SUDS3: variants seen among roughly 807,000 people sequenced by gnomAD.
The protein encoded by SUDS3 is sin3 histone deacetylase corepressor complex component SDS3.
Under a neutral mutation model 53.5 loss-of-function variants are expected in SUDS3, and 23 were observed. That is an observed-to-expected ratio of 0.43 (90% CI 0.31 to 0.61). The LOEUF is 0.61. Among genes scored for constraint, SUDS3 ranks in the 20% least tolerant of loss-of-function variants. The pLI is 0.10. For missense variants in SUDS3, 291 were observed against 405.9 expected (o/e 0.72, Z 2.43); for synonymous variants, 150 against 148.5 (o/e 1.01, Z -0.08).
At chr12:118,411,269 T>C in intron 11 of SUDS3, 112 bp downstream of exon 11, 1 of 898,916 alleles carries the variant, frequency 1.1e-6, no homozygotes, top group South Asian at 1.5e-5. Context: ...AGTACTGTCT[T>C]CTATGTGGGT....
intron 3 of SUDS3, among the ~76,000 whole-genome samples, chr12:118,384,839 A>G (rs1351431098): frequency 6.6e-6 from 1 of 151,994 alleles, no homozygotes; most frequent in Non-Finnish European, 1.5e-5. Flanking sequence ...CTCAAAAAAA[A>G]AAAAAAGAGT....
chr12:118,380,563 T>C (rs2046047716), intron 2 of SUDS3, among the ~76,000 whole-genome samples: 1 of 152,258 alleles, frequency 6.6e-6, no homozygotes, highest in African/African-American at 2.4e-5. Flanking sequence ...CATGTATGTT[T>C]ACAATTTCTC....
rs186475075 is a variant in SUDS3, at chr12:118,396,993, G to A, written c.518-3666G>A. Among the ~76,000 whole-genome samples, 452 of 152,256 alleles carry A rather than the reference G, an allele frequency of 3.0e-3. 1 individual carries two copies. The highest frequency in any genetic ancestry group is 4.9e-3 in the Non-Finnish European group (331 of 68,026). On this transcript the variant is annotated intron_variant, in intron 6 of 11. Coordinates refer to ENST00000543473, the MANE Select transcript of SUDS3 (RefSeq NM_022491.3). ...TCATATTGCAGGGTGGTTTGGAGAGGAGTTATATGCCTAGTCTTGTTGCTT... is the reference window on the plus strand; with the variant it reads ...TCATATTGCAGGGTGGTTTGGAGAGAAGTTATATGCCTAGTCTTGTTGCTT...
chr12:118,382,361 A>G (rs1044620573), intron 2 of SUDS3, among the ~76,000 whole-genome samples: 1 of 78,844 alleles, frequency 1.3e-5, no homozygotes, highest in Admixed American at 1.2e-4. Flanking sequence ...TTTTTTTGAG[A>G]CAGTAGCCAC....
chr12:118,415,379 A>G lies in SUDS3; in HGVS notation c.*946A>G, dbSNP rs375879476. On this transcript the variant is annotated 3_prime_UTR_variant, in exon 12 of 12. Transcript: ENST00000543473. ...AAGTTTCACTCTTGTGGCTGATGCC[A>G]TTATTGCACATTGGCCATTCCAAAC... 9 of 152,230 alleles carry G rather than the reference A, an allele frequency of 5.9e-5. No individual in the cohort carries two copies. In the South Asian group the frequency reaches 1.9e-3, roughly 32 times the overall value. 9.4% of individuals were successfully genotyped at this position (152,230 alleles called of 1,614,324 possible). A position where few individuals can be genotyped will look rare whatever the true frequency, so the allele number is the denominator to read the frequency against.
chr12:118,390,881 T>C (rs1200823262), intron 5 of SUDS3: 10 of 549,320 alleles, frequency 1.8e-5, no homozygotes, highest in Non-Finnish European at 3.4e-5. Context: ...TAGTATAAAA[T>C]ATAGGATGTG....
intron 6 of SUDS3, among the ~76,000 whole-genome samples, chr12:118,394,238 G>T (rs767449902): frequency 6.6e-6 from 1 of 152,204 alleles, no homozygotes; most frequent in Non-Finnish European, 1.5e-5. Context: ...TAGATGTGAC[G>T]TGAGATGAGA....
intron 6 of SUDS3, among the ~76,000 whole-genome samples, chr12:118,399,814 A>G (rs2046248058): frequency 6.6e-6 from 1 of 152,120 alleles, no homozygotes; most frequent in African/African-American, 2.4e-5. Flanking sequence ...AGGAGAACTG[A>G]GTTTTTGTGG....
At chr12:118,378,310 C>T (rs953823813) in intron 1 of SUDS3, among the ~76,000 whole-genome samples, 3 of 152,046 alleles carry the variant, frequency 2.0e-5, no homozygotes, top group East Asian at 3.8e-4. Context: ...GTTGGCTCTG[C>T]GTATCTGTGG....
chr12:118,376,827 GACGAAGGTGAGTCCT>G lies in SUDS3; in HGVS notation c.137_142+9del. The G allele has an allele frequency of 6.5e-7, 1 of 1,538,594 alleles. No individual in the cohort carries two copies. ...GCGCAGCTGTCGGGGCCGCGAGTCG[GACGAAGGTGAGTCCT>G]GCCGCTCGCCCGGCCGCCCGGAGCG... On this transcript the variant is annotated splice_donor_variant and splice_donor_5th_base_variant and coding_sequence_variant and intron_variant, in exon 1 of 12. Coordinates refer to ENST00000543473, the MANE Select transcript of SUDS3 (RefSeq NM_022491.3). LOFTEE classifies it high-confidence loss of function.
chr12:118,410,713 C>T (rs963272486), intron 10 of SUDS3, among the ~76,000 whole-genome samples: 7 of 152,056 alleles, frequency 4.6e-5, no homozygotes, highest in Non-Finnish European at 1.0e-4. Flanking sequence ...TCTCCTGCCT[C>T]AGCCTCCCAA....
chr12:118,378,109 GTTT>G (rs138250567), intron 1 of SUDS3, among the ~76,000 whole-genome samples: 72 of 151,560 alleles, frequency 4.8e-4, no homozygotes, highest in Admixed American at 1.2e-3. Context: ...CCAAAATTGA[GTTT>G]TTTTTTCCTT....
At chr12:118,408,120 C>G (rs1182612324) in intron 10 of SUDS3, among the ~76,000 whole-genome samples, 1 of 152,124 alleles carries the variant, frequency 6.6e-6, no homozygotes, top group African/African-American at 2.4e-5. Flanking sequence ...AGGATGGCCT[C>G]TATCTCCTGA....
At chr12:118,391,665 A>G (rs1382824471) in intron 6 of SUDS3, among the ~76,000 whole-genome samples, 1 of 152,174 alleles carries the variant, frequency 6.6e-6, no homozygotes, top group Non-Finnish European at 1.5e-5. Context: ...TATGTTCCCA[A>G]ATTGCTTACG....
chr12:118,377,503 A>G (rs1489962209), intron 1 of SUDS3, among the ~76,000 whole-genome samples: 3 of 151,964 alleles, frequency 2.0e-5, no homozygotes, highest in Non-Finnish European at 4.4e-5. Context: ...ATACTCCGTA[A>G]ATGTTCTCCC....
intron 6 of SUDS3, among the ~76,000 whole-genome samples, chr12:118,397,576 G>T (rs1301120412): frequency 6.6e-6 from 1 of 152,164 alleles, no homozygotes; most frequent in African/African-American, 2.4e-5. Context: ...TATTGGCCAG[G>T]ACTGCTCCCT....
chr12:118,380,897 G>T (rs905367334), intron 2 of SUDS3, among the ~76,000 whole-genome samples: 1 of 152,130 alleles, frequency 6.6e-6, no homozygotes, highest in South Asian at 2.1e-4. Context: ...TAGAGACAGG[G>T]TTTCACCATG....
rs1392537607 is a variant in SUDS3 at position 118,414,746 on chromosome 12, C to A, written c.*313C>A. The A allele has an allele frequency of 4.5e-6, 1 of 221,198 alleles. No individual in the cohort carries two copies. The highest frequency in any genetic ancestry group is 2.3e-5 in the African/African-American group (1 of 43,608). 13.7% of individuals were successfully genotyped at this position (221,198 alleles called of 1,614,324 possible). ...TGCTTATACTTGTTTTTGAAAACCT[C>A]CTCTGAGTTTGAAGGGACAGCTATT... On this transcript the variant is annotated 3_prime_UTR_variant, in exon 12 of 12. Coordinates refer to ENST00000543473, the MANE Select transcript of SUDS3 (RefSeq NM_022491.3).
At chr12:118,392,691 A>G (rs2046178297) in intron 6 of SUDS3, among the ~76,000 whole-genome samples, 1 of 152,212 alleles carries the variant, frequency 6.6e-6, no homozygotes. Flanking sequence ...TTTCTCTGAC[A>G]GTGGCTGTGA....
Sources: allele counts gnomAD v4.1 joint callset (sites outside exome capture counted in the v4.1 genomes callset), GRCh38; gene constraint gnomAD v4.1.1; transcripts MANE v1.5; gene names NCBI Gene and HGNC (gene_info 2026-07-23, HGNC 2026-07-21).